EHMT1: variants seen among roughly 807,000 people sequenced by gnomAD.
EHMT1 encodes euchromatic histone lysine methyltransferase 1.
In EHMT1, 15 loss-of-function variants were observed where a neutral mutation model predicts 147.2. The observed-to-expected ratio is 0.10, with a 90% CI of 0.07 to 0.16. The LOEUF is 0.16. EHMT1 is among the 10% of genes least tolerant of loss of function. EHMT1 has a pLI of 1.00. For missense variants in EHMT1, 1,587 were observed against 1,772.4 expected, an observed-to-expected ratio of 0.90 and a Z score of 1.88; for synonymous variants, 795 against 709.6, an observed-to-expected ratio of 1.12 and a Z score of -1.91.
chr9:137,632,437 T>C (rs1474584364), intron 1 of EHMT1, among the ~76,000 whole-genome samples: 3 of 152,162 alleles, frequency 2.0e-5, no homozygotes, highest in Admixed American at 6.5e-5. Context: ...GTGCTCTTTT[T>C]TTTGTTTTTG....
At chr9:137,633,459 G>A (rs551155505) in intron 1 of EHMT1, among the ~76,000 whole-genome samples, 14 of 152,184 alleles carry the variant, frequency 9.2e-5, no homozygotes, top group African/African-American at 3.4e-4. Context: ...AGTGCTTACT[G>A]TGACACAGTT....
At chr9:137,748,069 G>C (rs1246375210) in intron 6 of EHMT1, 4 of 152,076 alleles carry the variant, frequency 2.6e-5, no homozygotes, top group African/African-American at 9.7e-5. Context: ...TGGAATAGTA[G>C]TTTTCAAAGT....
At chr9:137,798,650 C>T (rs1053740339) in intron 16 of EHMT1, among the ~76,000 whole-genome samples, 163 bp from the exon 17 acceptor site, 1 of 152,196 alleles carries the variant, frequency 6.6e-6, no homozygotes, top group African/African-American at 2.4e-5. Context: ...AGCGCTTGGA[C>T]CTCGGCTGTT....
intron 1 of EHMT1, chr9:137,641,481 G>C (rs1237073232): frequency 4.5e-6 from 2 of 443,658 alleles, no homozygotes; most frequent in Non-Finnish European, 8.6e-6. Context: ...GCAGACGCTT[G>C]TGGATGGCTG....
intron 18 of EHMT1, among the ~76,000 whole-genome samples, chr9:137,809,385 A>T (rs1381999871): frequency 1.3e-5 from 2 of 152,232 alleles, no homozygotes; most frequent in Non-Finnish European, 2.9e-5. Context: ...GCCTACCTGC[A>T]GAGCCAGTCC....
At position 137,815,992 on chromosome 9, in the gene EHMT1, A is replaced by G. The variant is rs752508274; in HGVS notation, c.3304A>G (p.Ile1102Val). Residue 1102 changes from isoleucine to valine, a missense_variant, in exon 23 of 27, where the codon ATC becomes GTC. Ile to Val is a conservative substitution (Grantham distance 29). Around this residue, in one of 7 missense-constraint regions of EHMT1, gnomAD observed 156 missense variants for 252.5 expected, o/e 0.62. Transcript: ENST00000460843. The part of the protein sequence containing the change: ...PEFNMAEPPL[I>V]FECNHACSCW... Reference sequence around the variant, plus strand: ...GTTCAACATGGCGGAGCCTCCCTTGATCTTCGAATGCAACCACGCGTGCTC... The same window carrying G: ...GTTCAACATGGCGGAGCCTCCCTTGGTCTTCGAATGCAACCACGCGTGCTC... 1.4e-5 allele frequency: 23 copies of G among 1,612,474 alleles called. No individual in the cohort carries two copies. Among genetic ancestry groups the G allele is most frequent in the Non-Finnish European group, 1.9e-5 (22 of 1,179,352 alleles).
intron 10 of EHMT1, among the ~76,000 whole-genome samples, chr9:137,764,991 T>C (rs537512810): frequency 6.6e-6 from 1 of 152,376 alleles, no homozygotes; most frequent in South Asian, 2.1e-4. Context: ...ATTTTTATTT[T>C]ATGATTTAAT....
At chr9:137,621,559 A>G (rs1176620757) in intron 1 of EHMT1, among the ~76,000 whole-genome samples, 2 of 152,018 alleles carry the variant, frequency 1.3e-5, no homozygotes, top group Non-Finnish European at 2.9e-5. Context: ...TTATCTGGGC[A>G]TAGTGGTGTG....
At chr9:137,788,342 GA>G in intron 15 of EHMT1, 1 of 369,838 alleles carries the variant, frequency 2.7e-6, no homozygotes, top group South Asian at 8.4e-5. Context: ...GGACGTTGGC[GA>G]AGGCTCCACC....
At chr9:137,666,835 G>A (rs1475054526) in intron 1 of EHMT1, among the ~76,000 whole-genome samples, 2 of 152,218 alleles carry the variant, frequency 1.3e-5, no homozygotes, top group Admixed American at 1.3e-4. Flanking sequence ...AAAATAAGAC[G>A]TTGCTCAAGC....
intron 14 of EHMT1, among the ~76,000 whole-genome samples, chr9:137,780,559 A>G (rs1423735163): frequency 2.7e-5 from 2 of 74,462 alleles, no homozygotes; most frequent in East Asian, 4.3e-4. Flanking sequence ...TGGTGATGGC[A>G]TCACTGAGAT....
At chr9:137,698,048 A>G (rs1943543642) in intron 1 of EHMT1, among the ~76,000 whole-genome samples, 1 of 151,372 alleles carries the variant, frequency 6.6e-6, no homozygotes, top group Non-Finnish European at 1.5e-5. Flanking sequence ...TCGTGAGGGC[A>G]GCGTGTGAGG....
chr9:137,811,175 C>T (rs1237549507), intron 18 of EHMT1, among the ~76,000 whole-genome samples: 6 of 152,046 alleles, frequency 3.9e-5, no homozygotes, highest in African/African-American at 1.2e-4. Flanking sequence ...TTCTGGATGA[C>T]CTTTTCCCTA....
chr9:137,728,288 A>T, intron 3 of EHMT1, 61 bp from the exon 4 acceptor site: 1 of 1,608,428 alleles, frequency 6.2e-7, no homozygotes, highest in South Asian at 1.1e-5. Flanking sequence ...TTTTGGTTGC[A>T]TGTTATTTCA....
At chr9:137,710,429 C>T (rs1038857264) in intron 1 of EHMT1, among the ~76,000 whole-genome samples, 8 of 152,280 alleles carry the variant, frequency 5.3e-5, no homozygotes, top group South Asian at 2.1e-4. Context: ...GCCGAGATCG[C>T]GCCACTGTAC....
chr9:137,762,659 G>A lies in EHMT1; in HGVS notation c.1502-16G>A. The A allele has an allele frequency of 1.2e-6, 2 of 1,614,170 alleles. No individual in the cohort carries two copies. The highest frequency in any genetic ancestry group is 2.2e-5 in the East Asian group (1 of 44,884). On this transcript the variant is annotated splice_polypyrimidine_tract_variant and intron_variant, in intron 9 of 26. Transcript: ENST00000460843. ...GTCAGGATTGCATGAGCTGACATGT[G>A]TCTGTGTGACGTTAGGGTTGGCCAA... is the stretch of plus-strand genomic sequence containing the variant.
rs757434740 is a variant in EHMT1, at chr9:137,762,919, G to C, written c.1647+99G>C. 9.1e-6 allele frequency: 14 copies of C among 1,535,070 alleles called. No homozygotes were observed. The South Asian group carries it at 1.4e-4, about 15-fold the overall frequency. On this transcript the variant is annotated intron_variant, in intron 10 of 26. Transcript: ENST00000460843. ...CAGCCCCTCGAGTGAGTTGTGCTGCGTGACCAGGGCGGGAGCCTGAGTGGA... is the reference window on the plus strand; with the variant it reads ...CAGCCCCTCGAGTGAGTTGTGCTGCCTGACCAGGGCGGGAGCCTGAGTGGA...
intron 18 of EHMT1, among the ~76,000 whole-genome samples, chr9:137,809,828 G>A (rs1271219952): frequency 6.6e-6 from 1 of 152,188 alleles, no homozygotes; most frequent in Non-Finnish European, 1.5e-5. Context: ...GAGTGACTGT[G>A]GGGGAAGGGT....
intron 25 of EHMT1, among the ~76,000 whole-genome samples, chr9:137,830,924 G>A (rs1310787486): frequency 1.3e-5 from 2 of 152,100 alleles, no homozygotes; most frequent in Non-Finnish European, 2.9e-5. Flanking sequence ...ACTGTAAACC[G>A]TGAGGCTTAC....
Sources: gnomAD v4.1 joint callset for allele counts (sites outside exome capture counted in the v4.1 genomes callset) on GRCh38, gnomAD v4.1.1 for gene constraint, gnomAD v4.1.1 regional missense constraint, MANE v1.5 for transcripts, NCBI Gene and HGNC (gene_info 2026-07-23, HGNC 2026-07-21) for gene names.